SLC5A5: variants seen among roughly 807,000 people sequenced by gnomAD.
The protein encoded by SLC5A5 is sodium/iodide cotransporter.
In SLC5A5, 56 loss-of-function variants were observed where a neutral mutation model predicts 68.6. The ratio of observed to expected loss-of-function variants is 0.82; its 90% CI spans 0.66 to 1.02. The LOEUF (loss-of-function observed/expected upper bound fraction) is 1.02. Among genes scored for constraint, SLC5A5 ranks in the 50% least tolerant of loss-of-function variants. SLC5A5 has a pLI of 0.00. For missense variants in SLC5A5, 807 were observed against 859.8 expected (o/e 0.94, Z 0.77); for synonymous variants, 398 against 373.0 (o/e 1.07, Z -0.77).
chr19:17,885,042 T>A (rs1382016050), intron 12 of SLC5A5, among the ~76,000 whole-genome samples: 1 of 151,254 alleles, frequency 6.6e-6, no homozygotes, highest in African/African-American at 2.4e-5. Context: ...GGTCTTGCTC[T>A]GTTGCCCAGG....
Position 17,874,506 on chromosome 19 carries a change from G to A in SLC5A5, c.436G>A (p.Gly146Ser). The part of the protein sequence containing the change: ...QYIVATMLYT[G>S]IVIYAPALIL... Reference sequence around the variant, plus strand: ...ACTCTGTCTACAGATGCTGTACACCGGCATCGTAATCTACGCACCGGCCCT... The same window carrying A: ...ACTCTGTCTACAGATGCTGTACACCAGCATCGTAATCTACGCACCGGCCCT... The change falls in exon 3 of 15, where the codon GGC becomes AGC. Residue 146 changes from glycine (G) to serine (S), a missense_variant. Gly to Ser is a moderately conservative substitution (Grantham distance 56). Transcript: ENST00000222248. The A allele has an allele frequency of 1.2e-6, 2 of 1,613,846 alleles. No homozygotes were observed. The highest frequency in any genetic ancestry group is 1.7e-6 in the Non-Finnish European group (2 of 1,179,978).
intron 5 of SLC5A5, among the ~76,000 whole-genome samples, chr19:17,876,673 C>A (rs1001011392): frequency 3.9e-5 from 6 of 152,078 alleles, no homozygotes; most frequent in African/African-American, 1.4e-4. Flanking sequence ...ACCATCCTGG[C>A]CAACTTGATG....
At position 17,894,816 on chromosome 19, in the gene SLC5A5, C is replaced by T. The variant is rs1054330353; in HGVS notation, c.*939C>T. The T allele has an allele frequency of 1.4e-4, 22 of 152,186 alleles. No homozygotes were observed. Among genetic ancestry groups the T allele is most frequent in the African/African-American group, 5.3e-4 (22 of 41,414 alleles). 9.4% of individuals were successfully genotyped at this position (152,186 alleles called of 1,614,324 possible). On this transcript the variant is annotated 3_prime_UTR_variant, in exon 15 of 15. Transcript: ENST00000222248. ...CCCCAAAATTTATGTCTACCCAGAA[C>T]CTCAGAACATGAGCTTACTTGGAAA... is the stretch of plus-strand genomic sequence containing the variant.
chr19:17,881,497 C>A (rs1395119895), intron 8 of SLC5A5, among the ~76,000 whole-genome samples: 1 of 152,188 alleles, frequency 6.6e-6, no homozygotes, highest in Non-Finnish European at 1.5e-5. Context: ...GAACTCCTGA[C>A]CTCAGGTGAT....
At chr19:17,879,828 A>G (rs984988644) in intron 7 of SLC5A5, among the ~76,000 whole-genome samples, 1 of 152,194 alleles carries the variant, frequency 6.6e-6, no homozygotes, top group Non-Finnish European at 1.5e-5. Flanking sequence ...CTCAGGGACA[A>G]TTCTCAGGTT....
chr19:17,889,468 GAGAGAA>G (rs2030075966), intron 13 of SLC5A5, among the ~76,000 whole-genome samples: 1 of 148,638 alleles, frequency 6.7e-6, no homozygotes, highest in South Asian at 2.1e-4. Context: ...GAGAGAGAAG[GAGAGAA>G]AGAGAGAGAG....
At chr19:17,879,477 T>C (rs2094315642) in intron 7 of SLC5A5, among the ~76,000 whole-genome samples, 1 of 152,114 alleles carries the variant, frequency 6.6e-6, no homozygotes, top group Non-Finnish European at 1.5e-5. Context: ...TAATCTTTCT[T>C]CTGAGAAAGG....
chr19:17,882,305 GTCACATGTGTCAGTGGCAGAAC>G, intron 10 of SLC5A5, 86 bp downstream of exon 10: 2 of 1,050,994 alleles, frequency 1.9e-6, no homozygotes, highest in South Asian at 2.5e-5. Context: ...GCTCAGAGAG[GTCACATGTGTCAGTGGCAGAAC>G]TCACTTCTAT....
Position 17,872,420 on chromosome 19 carries a change from T to A in SLC5A5, c.101T>A (p.Val34Asp). Residue 34 changes from valine (V) to aspartate (D), a missense_variant, in exon 1 of 15, where the codon GTC (valine) becomes GAC (aspartate). By Grantham distance (152) the Val-to-Asp change is radical. Transcript: ENST00000222248. ...GTGTCCACTGGCATCGGGCTGTGGG[T>A]CGGGCTGGCTCGGGGCGGGCAGCGC... The part of the protein sequence containing the change: ...LLVSTGIGLW[V>D]GLARGGQRSA... 1.2e-6 allele frequency: 2 copies of A among 1,608,080 alleles called. No homozygotes were observed. Among genetic ancestry groups the A allele is most frequent in the Non-Finnish European group, 1.7e-6 (2 of 1,177,260 alleles).
chr19:17,888,391 C>A lies in SLC5A5; in HGVS notation c.1587C>A (p.Leu529=). ...LADSFYAISY[L]YYGALGTLTT... is the part of the protein sequence containing the mutation. ...ACAGCTTCTATGCCATCTCCTATCT[C>A]TATTACGGTGCCCTGGGCACGCTGA... is the stretch of plus-strand genomic sequence containing the variant. The change falls in exon 13 of 15, where the codon CTC becomes CTA. Residue 529 remains leucine (L), a synonymous_variant. Coordinates refer to ENST00000222248, the MANE Select transcript of SLC5A5 (RefSeq NM_000453.3). 1 of 1,614,012 alleles carries A rather than the reference C, an allele frequency of 6.2e-7. No individual in the cohort carries two copies. The highest frequency in any genetic ancestry group is 8.5e-7 in the Non-Finnish European group (1 of 1,180,006).
chr19:17,891,811 A>C (rs1309408900), intron 14 of SLC5A5, among the ~76,000 whole-genome samples: 1 of 152,134 alleles, frequency 6.6e-6, no homozygotes, highest in African/African-American at 2.4e-5. Context: ...ACCTGATCCC[A>C]TGCCTACCCC....
In SLC5A5 at chr19:17,876,005, A is replaced by G; in HGVS notation, c.597A>G (p.Leu199=). The change falls in exon 5 of 15, where the codon CTA becomes CTG. Residue 199 remains leucine (L), a synonymous_variant. Transcript: ENST00000222248. ...WTDVFQVVVM[L]SGFWVVLARG... ...ATGTGTTCCAGGTCGTGGTGATGCTAAGTGGCTTCTGGGTTGTCCTGGCAC... is the reference window on the plus strand; with the variant it reads ...ATGTGTTCCAGGTCGTGGTGATGCTGAGTGGCTTCTGGGTTGTCCTGGCAC... 6.2e-7 allele frequency: 1 copy of G among 1,614,140 alleles called. No homozygotes were observed. The highest frequency in any genetic ancestry group is 8.5e-7 in the Non-Finnish European group (1 of 1,180,010).
At chr19:17,877,563 C>T (rs2094310312) in intron 5 of SLC5A5, among the ~76,000 whole-genome samples, 160 bp from the exon 6 acceptor site, 1 of 152,170 alleles carries the variant, frequency 6.6e-6, no homozygotes, top group Non-Finnish European at 1.5e-5. Flanking sequence ...CCGCCTTGGC[C>T]TCCCAAAGTG....
intron 13 of SLC5A5, among the ~76,000 whole-genome samples, chr19:17,889,628 G>A (rs943744305): frequency 1.3e-5 from 2 of 151,882 alleles, no homozygotes; most frequent in African/African-American, 4.8e-5. Context: ...GCGCGCCAAC[G>A]TGCCCGGCTC....
intron 5 of SLC5A5, 43 bp downstream of exon 5, chr19:17,876,149 G>T: frequency 1.2e-6 from 2 of 1,604,444 alleles, no homozygotes; most frequent in Non-Finnish European, 1.7e-6. Flanking sequence ...ATGGGGCTGG[G>T]ACCAGTGCGG....
intron 13 of SLC5A5, among the ~76,000 whole-genome samples, 197 bp from the exon 14 acceptor site, chr19:17,890,689 A>C (rs927176800): frequency 6.6e-6 from 1 of 152,098 alleles, no homozygotes; most frequent in Non-Finnish European, 1.5e-5. Context: ...ACCTGGCCTC[A>C]CTGATGTTTT....
At chr19:17,893,097 C>CT (rs549673164) in intron 14 of SLC5A5, among the ~76,000 whole-genome samples, 2,593 of 70,038 alleles carry the variant, frequency 0.037, 70 homozygotes, top group African/African-American at 0.12. Context: ...TCTTTTTTGT[C>CT]TTTTTTTTTT....
At chr19:17,881,556 C>T (rs1443360088) in intron 8 of SLC5A5, among the ~76,000 whole-genome samples, 2 of 152,206 alleles carry the variant, frequency 1.3e-5, no homozygotes, top group South Asian at 2.1e-4. Flanking sequence ...CATGAGCCAA[C>T]GTGCTCAGCC....
At chr19:17,893,189 C>T (rs1196752029) in intron 14 of SLC5A5, among the ~76,000 whole-genome samples, 1 of 151,220 alleles carries the variant, frequency 6.6e-6, no homozygotes, top group Non-Finnish European at 1.5e-5. Context: ...CAGCCCCAAC[C>T]TCCATGGTCC....
Sources: gnomAD v4.1 joint callset for allele counts (sites outside exome capture counted in the v4.1 genomes callset) on GRCh38, gnomAD v4.1.1 for gene constraint, MANE v1.5 for transcripts, NCBI Gene and HGNC (gene_info 2026-07-23, HGNC 2026-07-21) for gene names.